RAB3IP: variants seen among roughly 807,000 people sequenced by gnomAD.
RAB3IP encodes RAB3A interacting protein.
In RAB3IP, 36 loss-of-function variants were observed where a neutral mutation model predicts 59.1. The ratio of observed to expected loss-of-function variants is 0.61; its 90% CI spans 0.47 to 0.80. RAB3IP has a LOEUF of 0.80. Among genes scored for constraint, RAB3IP ranks in the 30% least tolerant of loss-of-function variants. The pLI, the probability that RAB3IP is intolerant of heterozygous loss-of-function variation, is 0.00. For synonymous variants in RAB3IP, 207 were observed against 191.2 expected, an observed-to-expected ratio of 1.08 and a Z score of -0.68; for missense variants, 511 against 536.0, an observed-to-expected ratio of 0.95 and a Z score of 0.46.
intron 1 of RAB3IP, among the ~76,000 whole-genome samples, chr12:69,754,907 A>G (rs919938043): frequency 6.6e-6 from 1 of 152,208 alleles, no homozygotes; most frequent in Non-Finnish European, 1.5e-5. Flanking sequence ...TAATTTTAAA[A>G]TATTTTTAAA....
intron 3 of RAB3IP, among the ~76,000 whole-genome samples, chr12:69,772,176 T>A (rs573510795): frequency 1.5e-4 from 23 of 152,302 alleles, no homozygotes; most frequent in Admixed American, 9.8e-4. Context: ...TACTCTTGTT[T>A]CTTCTTACAA....
chr12:69,759,482 C>G (rs1870848527), intron 3 of RAB3IP, among the ~76,000 whole-genome samples: 1 of 152,048 alleles, frequency 6.6e-6, no homozygotes, highest in African/African-American at 2.4e-5. Context: ...ATGGCCCGTT[C>G]TCAATGAGCT....
At chr12:69,749,757 T>A (rs191720785) in intron 1 of RAB3IP, among the ~76,000 whole-genome samples, 30 of 152,354 alleles carry the variant, frequency 2.0e-4, no homozygotes, top group Non-Finnish European at 4.1e-4. Context: ...CTCTGATTTA[T>A]TTGTCCTTCC....
chr12:69,780,360 A>G (rs1657960612), intron 3 of RAB3IP, among the ~76,000 whole-genome samples: 1 of 152,172 alleles, frequency 6.6e-6, no homozygotes, highest in Non-Finnish European at 1.5e-5. Context: ...AATTTCCTGC[A>G]TGGATGGGAC....
chr12:69,754,220 A>C (rs1869800929), intron 1 of RAB3IP, among the ~76,000 whole-genome samples: 1 of 152,134 alleles, frequency 6.6e-6, no homozygotes, highest in Non-Finnish European at 1.5e-5. Context: ...TGAAATTTGA[A>C]TGGGGCCTGT....
intron 3 of RAB3IP, among the ~76,000 whole-genome samples, chr12:69,771,366 G>A (rs904709858): frequency 5.9e-5 from 9 of 151,960 alleles, no homozygotes; most frequent in African/African-American, 2.2e-4. Context: ...TGCCATTTCT[G>A]CAAAAAATAA....
At chr12:69,760,794 C>T (rs1012012212) in intron 3 of RAB3IP, among the ~76,000 whole-genome samples, 5 of 152,016 alleles carry the variant, frequency 3.3e-5, no homozygotes, top group East Asian at 1.9e-4. Context: ...TGTTCCTCTG[C>T]GTATTAGGTC....
chr12:69,792,885 A>C (rs1023896081), intron 4 of RAB3IP, among the ~76,000 whole-genome samples: 1 of 152,208 alleles, frequency 6.6e-6, no homozygotes, highest in African/African-American at 2.4e-5. Context: ...TCTCCGTTGG[A>C]GGTTTGGTAC....
At chr12:69,801,775 G>A in intron 8 of RAB3IP, 54 bp downstream of exon 8, 1 of 1,095,218 alleles carries the variant, frequency 9.1e-7, no homozygotes, top group East Asian at 2.4e-5. Flanking sequence ...GAAATGTTAT[G>A]GGTTGCAGTT....
At chr12:69,814,607 G>T (rs1419456300) in intron 10 of RAB3IP, among the ~76,000 whole-genome samples, 1 of 151,950 alleles carries the variant, frequency 6.6e-6, no homozygotes, top group Non-Finnish European at 1.5e-5. Flanking sequence ...CCCGAGATGG[G>T]ACAGTGAAAA....
Position 69,755,571 on chromosome 12 carries a change from G to A in RAB3IP, c.163G>A (p.Ala55Thr). The change falls in exon 2 of 11, where the codon GCA becomes ACA. Residue 55 changes from alanine (A) to threonine (T), a missense_variant. Physicochemically the swap from Ala to Thr is moderately conservative, Grantham distance 58 (BLOSUM62 0). Transcript: ENST00000247833. ...PSALSSVPIQ[A>T]NALDVSELPT... ...AGCTTTATCCTCTGTACCTATCCAG[G>A]CAAATGCATTAGATGTTTCTGAACT... 2 of 1,613,830 alleles carry A rather than the reference G, an allele frequency of 1.2e-6. No individual in the cohort carries two copies. Among genetic ancestry groups the A allele is most frequent in the Non-Finnish European group, 1.7e-6 (2 of 1,179,958 alleles).
At position 69,760,391 on chromosome 12, in the gene RAB3IP, C is replaced by T. The variant is rs1051815005; in HGVS notation, c.510+3728C>T. Among the ~76,000 whole-genome samples the T allele has an allele frequency of 4.6e-5, 7 of 151,398 alleles. No homozygotes were observed. In the East Asian group the frequency reaches 5.8e-4, roughly 13 times the overall value. ...CGTGGAAAGAGAGGGCGAGGGAGAC[C>T]GTGGGGAGAGGGAGAGGGAGACTGT... On this transcript the variant is annotated intron_variant, in intron 3 of 10. Transcript: ENST00000247833.
chr12:69,763,179 G>C (rs187430725), intron 3 of RAB3IP, among the ~76,000 whole-genome samples: 1 of 152,282 alleles, frequency 6.6e-6, no homozygotes, highest in East Asian at 1.9e-4. Context: ...TTCTGAAGGA[G>C]CCAAATAAGG....
intron 8 of RAB3IP, among the ~76,000 whole-genome samples, chr12:69,808,199 T>C (rs1332688696): frequency 6.6e-6 from 1 of 152,208 alleles, no homozygotes; most frequent in Non-Finnish European, 1.5e-5. Flanking sequence ...AGTTGAGCAG[T>C]TGTGAGTGAG....
chr12:69,791,956 G>T (rs1876696398), intron 4 of RAB3IP, among the ~76,000 whole-genome samples: 4 of 152,186 alleles, frequency 2.6e-5, no homozygotes, highest in African/African-American at 9.7e-5. Flanking sequence ...GGGGGTATGT[G>T]TGTGTATATG....
chr12:69,789,541 A>C (rs190882972), intron 4 of RAB3IP, among the ~76,000 whole-genome samples: 17 of 152,260 alleles, frequency 1.1e-4, no homozygotes, highest in African/African-American at 2.4e-5. Context: ...AATTCTTTTT[A>C]CACTCTTACA....
At chr12:69,812,478 G>A in intron 8 of RAB3IP, 1 of 276,676 alleles carries the variant, frequency 3.6e-6, no homozygotes. Context: ...CTGTCCTGCA[G>A]CTGATTACTG....
chr12:69,800,241 G>T lies in RAB3IP; in HGVS notation c.921G>T (p.Leu307Phe), dbSNP rs754286276. The change falls in exon 7 of 11, where the codon TTG (leucine) becomes TTT (phenylalanine). Residue 307 changes from leucine (L) to phenylalanine (F), a missense_variant. Transcript: ENST00000247833. ...TATCCTTGTATAATGAATTCCGATT[G>T]TGGAAGGATGAGCCCACAATGGACA... ...ADLSLYNEFRLWKDEPTMDRT... is the reference protein window; with the variant it reads ...ADLSLYNEFRFWKDEPTMDRT... 2 of 1,574,818 alleles carry T rather than the reference G, an allele frequency of 1.3e-6. No individual in the cohort carries two copies. Among genetic ancestry groups the T allele is most frequent in the African/African-American group, 1.4e-5 (1 of 72,766 alleles).
chr12:69,794,412 A>G (rs761124314), intron 4 of RAB3IP, 25 bp from the exon 5 acceptor site: 2 of 1,584,342 alleles, frequency 1.3e-6, no homozygotes, highest in African/African-American at 1.3e-5. Flanking sequence ...TTTGTTTCTA[A>G]AATTTGAGAT....
Sources: allele counts gnomAD v4.1 joint callset (sites outside exome capture counted in the v4.1 genomes callset), GRCh38; gene constraint gnomAD v4.1.1; transcripts MANE v1.5; gene names NCBI Gene and HGNC (gene_info 2026-07-23, HGNC 2026-07-21).